PHACTR1: variants seen among roughly 807,000 people sequenced by gnomAD.
PHACTR1 encodes the protein RPEL repeat containing 1.
PHACTR1 carries 16 observed loss-of-function variants against 69.2 expected under a neutral mutation model. The observed-to-expected ratio is 0.23, with a 90% CI of 0.16 to 0.35. PHACTR1 has a LOEUF of 0.35. Among genes scored for constraint, PHACTR1 ranks in the 10% least tolerant of loss-of-function variants. PHACTR1 has a pLI of 1.00. For synonymous variants in PHACTR1, 312 were observed against 284.5 expected (o/e 1.10, Z -0.97); for missense variants, 510 against 734.7 (o/e 0.69, Z 3.54).
intron 4 of PHACTR1, among the ~76,000 whole-genome samples, chr6:12,825,779 A>C (rs543593768): frequency 6.6e-6 from 1 of 152,074 alleles, no homozygotes; most frequent in African/African-American, 2.4e-5. Flanking sequence ...TGGTTGTCTC[A>C]TTCTCATCTG....
intron 4 of PHACTR1, among the ~76,000 whole-genome samples, chr6:12,802,648 C>T (rs977044539): frequency 6.6e-6 from 1 of 152,106 alleles, no homozygotes; most frequent in African/African-American, 2.4e-5. Flanking sequence ...TGACGCAATG[C>T]TTTTTTATCC....
At chr6:13,041,057 G>A (rs1035990113) in intron 4 of PHACTR1, among the ~76,000 whole-genome samples, 19 of 152,210 alleles carry the variant, frequency 1.2e-4, no homozygotes, top group Admixed American at 1.0e-3. Flanking sequence ...TTCCTATGTG[G>A]CAAAATTAAC....
In PHACTR1 at chr6:13,242,867, G is replaced by A. The variant is rs77660975; in HGVS notation, c.1391+12674G>A. On this transcript the variant is annotated intron_variant, in intron 10 of 14. Coordinates refer to ENST00000332995, the MANE Select transcript of PHACTR1 (RefSeq NM_030948.6). ...CCAGTTGATTCAGTTGGAAACTATT[G>A]ATTAAGCACCAACTGTGTGCACAGC... Among the ~76,000 whole-genome samples the A allele has an allele frequency of 5.5e-3, 810 of 148,554 alleles. 12 individuals carry two copies. The highest frequency in any genetic ancestry group is 0.019 in the African/African-American group (776 of 41,266).
intron 10 of PHACTR1, among the ~76,000 whole-genome samples, chr6:13,240,710 G>A (rs941909625): frequency 8.5e-5 from 13 of 152,172 alleles, no homozygotes; most frequent in Non-Finnish European, 1.8e-4. Context: ...GCCTCCTAAA[G>A]AGCTGGGATT....
At chr6:13,125,696 A>G (rs1207536643) in intron 5 of PHACTR1, among the ~76,000 whole-genome samples, 1 of 152,202 alleles carries the variant, frequency 6.6e-6, no homozygotes. Context: ...TGGGAGGCCA[A>G]TGCAGGCAAA....
At chr6:13,221,967 G>A (rs1348909502) in intron 8 of PHACTR1, among the ~76,000 whole-genome samples, 3 of 151,982 alleles carry the variant, frequency 2.0e-5, no homozygotes, top group Admixed American at 1.3e-4. Flanking sequence ...TCCAGGAGGC[G>A]GAGGTTGCAG....
intron 3 of PHACTR1, among the ~76,000 whole-genome samples, chr6:12,733,453 A>G (rs1339411753): frequency 6.6e-6 from 1 of 152,208 alleles, no homozygotes; most frequent in Admixed American, 6.5e-5. Context: ...ATACCACACA[A>G]CCATGAAGAG....
At chr6:12,908,776 G>A (rs1374011156) in intron 4 of PHACTR1, among the ~76,000 whole-genome samples, 3 of 152,218 alleles carry the variant, frequency 2.0e-5, no homozygotes, top group Non-Finnish European at 2.9e-5. Context: ...TGCCCAAGCG[G>A]TAGGAGGAAC....
chr6:13,077,174 C>CA (rs199687356), intron 5 of PHACTR1, among the ~76,000 whole-genome samples: 4,561 of 74,616 alleles, frequency 0.061, 110 homozygotes, highest in Admixed American at 0.097. Context: ...ATGATGCAAG[C>CA]AAAAAAAAAA....
chr6:12,901,645 C>A (rs1251287762), intron 4 of PHACTR1, among the ~76,000 whole-genome samples: 10 of 152,250 alleles, frequency 6.6e-5, no homozygotes, highest in African/African-American at 2.4e-4. Flanking sequence ...CCGGCGCCCG[C>A]CACCATGCCT....
intron 11 of PHACTR1, chr6:13,273,684 T>G (rs1426986928): frequency 1.3e-5 from 2 of 152,174 alleles, no homozygotes; most frequent in Non-Finnish European, 2.9e-5. Flanking sequence ...TGGTAGATAT[T>G]AAATAACTTA....
At chr6:13,120,868 G>A (rs1818615927) in intron 5 of PHACTR1, among the ~76,000 whole-genome samples, 1 of 152,200 alleles carries the variant, frequency 6.6e-6, no homozygotes, top group Admixed American at 6.5e-5. Context: ...TGCAGTGTGC[G>A]ATGCCTCTGT....
At chr6:13,193,357 G>GTATATATATGTATATATATATATA in intron 7 of PHACTR1, among the ~76,000 whole-genome samples, 1 of 68,162 alleles carries the variant, frequency 1.5e-5, no homozygotes, top group East Asian at 4.3e-4. Context: ...AGCTCTCTGT[G>GTATATATATGTATATATATATATA]TATATATATA....
chr6:12,834,935 C>G (rs1003858736), intron 4 of PHACTR1, among the ~76,000 whole-genome samples: 1 of 152,096 alleles, frequency 6.6e-6, no homozygotes. Flanking sequence ...CTTCAAATAC[C>G]CTCTTCGTAA....
chr6:12,967,189 A>G (rs1024236793), intron 4 of PHACTR1, among the ~76,000 whole-genome samples: 34 of 152,224 alleles, frequency 2.2e-4, no homozygotes, highest in South Asian at 8.3e-4. Flanking sequence ...ATCTTCATAT[A>G]TTAAAAAATG....
intron 4 of PHACTR1, among the ~76,000 whole-genome samples, chr6:12,759,122 C>CAAAAAAAA (rs1229879368): frequency 5.8e-5 from 3 of 51,468 alleles, no homozygotes; most frequent in South Asian, 8.2e-4. Context: ...GACTCCACCT[C>CAAAAAAAA]AAAAAAAAAA....
At chr6:12,997,109 G>A (rs1797508283) in intron 4 of PHACTR1, among the ~76,000 whole-genome samples, 1 of 151,716 alleles carries the variant, frequency 6.6e-6, no homozygotes, top group African/African-American at 2.4e-5. Context: ...GAGTTGCAGT[G>A]GGCTGAGATC....
chr6:13,083,369 C>T (rs1224037170), intron 5 of PHACTR1, among the ~76,000 whole-genome samples: 6 of 152,168 alleles, frequency 3.9e-5, no homozygotes, highest in Non-Finnish European at 8.8e-5. Flanking sequence ...AGCTTGAAGT[C>T]AGGTAGCGTG....
intron 4 of PHACTR1, among the ~76,000 whole-genome samples, chr6:13,046,436 C>G (rs1805060364): frequency 6.6e-6 from 1 of 152,072 alleles, no homozygotes; most frequent in South Asian, 2.1e-4. Context: ...TGACTGGATG[C>G]TAAGGGATGG....
Sources: allele counts gnomAD v4.1 joint callset (sites outside exome capture counted in the v4.1 genomes callset), GRCh38; gene constraint gnomAD v4.1.1; transcripts MANE v1.5; gene names NCBI Gene and HGNC (gene_info 2026-07-23, HGNC 2026-07-21).